Variants in SMARCA2 observed in about 807,000 individuals in gnomAD.
The protein encoded by SMARCA2 is SWI/SNF related BAF chromatin remodeling complex subunit ATPase 2.
SMARCA2 carries 61 observed loss-of-function variants against 199.8 expected under a neutral mutation model. The observed-to-expected ratio is 0.31, with a 90% CI of 0.25 to 0.38. The LOEUF is 0.38. SMARCA2 is among the 10% of genes least tolerant of loss of function. The pLI is 1.00. For synonymous variants in SMARCA2, 935 were observed against 732.0 expected (o/e 1.28, Z -4.48); for missense variants, 1,344 against 2,012.2 (o/e 0.67, Z 6.35).
At chr9:2,031,296 CA>C (rs1819060735) in intron 2 of SMARCA2, among the ~76,000 whole-genome samples, 1 of 152,130 alleles carries the variant, frequency 6.6e-6, no homozygotes, top group Non-Finnish European at 1.5e-5. Flanking sequence ...TCATATTTTT[CA>C]GGGGACCTAT....
intron 5 of SMARCA2, among the ~76,000 whole-genome samples, chr9:2,052,907 C>T (rs1477520244): frequency 6.6e-6 from 1 of 152,154 alleles, no homozygotes; most frequent in Non-Finnish European, 1.5e-5. Context: ...AAAGTCTGTC[C>T]TCCCAGCTCT....
In SMARCA2 at chr9:2,077,659, C is replaced by T. The variant is rs1821386152; in HGVS notation, c.2067C>T (p.Tyr689=). 3 of 1,614,018 alleles carry T rather than the reference C, an allele frequency of 1.9e-6. No individual in the cohort carries two copies. The highest frequency in any genetic ancestry group is 2.2e-5 in the East Asian group (1 of 44,868). Residue 689 remains tyrosine, a synonymous_variant, in exon 14 of 34, where the codon TAC becomes TAT. Coordinates refer to ENST00000349721, the MANE Select transcript of SMARCA2 (RefSeq NM_003070.5). ...ETAKQDVDDE[Y]SMQYSARGSQ... is the part of the protein sequence containing the mutation. ...CTAAGCAAGACGTGGATGATGAATA[C>T]AGCATGCAGTACAGTGCCAGGGGCT...
intron 27 of SMARCA2, among the ~76,000 whole-genome samples, chr9:2,156,659 T>C (rs1212128940): frequency 6.6e-6 from 1 of 152,066 alleles, no homozygotes; most frequent in African/African-American, 2.4e-5. Flanking sequence ...TCAAACTCCC[T>C]ACCTCAGGTG....
intron 4 of SMARCA2, 146 bp downstream of exon 4, chr9:2,040,046 G>C: frequency 1.4e-6 from 2 of 1,415,570 alleles, no homozygotes; most frequent in Non-Finnish European, 1.9e-6. Context: ...GCTCCACTTA[G>C]ATGGCCAAGA....
chr9:2,030,755 G>A (rs1219622654), intron 2 of SMARCA2, among the ~76,000 whole-genome samples: 1 of 152,096 alleles, frequency 6.6e-6, no homozygotes, highest in Non-Finnish European at 1.5e-5. Flanking sequence ...AACCATTACA[G>A]TAGACAAGCC....
intron 1 of SMARCA2, among the ~76,000 whole-genome samples, chr9:2,018,981 C>T (rs1339334714): frequency 2.0e-5 from 3 of 152,210 alleles, no homozygotes; most frequent in Admixed American, 6.5e-5. Flanking sequence ...ATGAGACACA[C>T]TTTTTCTTTG....
intron 6 of SMARCA2, among the ~76,000 whole-genome samples, 198 bp downstream of exon 6, chr9:2,054,921 C>G (rs866030968): frequency 2.0e-5 from 3 of 152,204 alleles, no homozygotes; most frequent in Non-Finnish European, 2.9e-5. Context: ...TTCTGGTTTT[C>G]TCTTCTGTAT....
intron 18 of SMARCA2, 136 bp from the exon 19 acceptor site, chr9:2,088,364 T>C: frequency 1.1e-6 from 1 of 940,222 alleles, no homozygotes; most frequent in Non-Finnish European, 1.5e-6. Flanking sequence ...GAGGTAGATA[T>C]GACAGGCTTA....
Position 2,081,561 on chromosome 9 carries a change from C to T in SMARCA2, c.2185-271C>T, listed in dbSNP as rs112976719. ...CATTTATAATAATTCTAGAATGTCA[C>T]ATACTGTGAAATACTAAGTGTGGAT... On this transcript the variant is annotated intron_variant, in intron 14 of 33. Coordinates refer to ENST00000349721, the MANE Select transcript of SMARCA2 (RefSeq NM_003070.5). 6.5e-3 allele frequency among the ~76,000 whole-genome samples: 994 copies of T among 152,306 alleles called. 17 individuals carry two copies. Among genetic ancestry groups the T allele is most frequent in the African/African-American group, 0.023 (948 of 41,564 alleles).
In SMARCA2 at chr9:2,119,620, C is replaced by A; in HGVS notation, c.3762+85C>A. On this transcript the variant is annotated intron_variant, in intron 26 of 33. Coordinates refer to ENST00000349721, the MANE Select transcript of SMARCA2 (RefSeq NM_003070.5). This position sits in a 1 kb window ranked among gnomAD's most constrained non-coding sequence, Gnocchi z 4.6. ...AGCAGAATGTCTGCAGCCTGCGTGC[C>A]TGGCAGAACTTCATACGTAAAGCCT... 1.1e-6 allele frequency: 1 copy of A among 892,390 alleles called. No individual in the cohort carries two copies. The highest frequency in any genetic ancestry group is 1.8e-6 in the Non-Finnish European group (1 of 545,452). The allele number at this position is 892,390 out of a possible 1,614,324, so 55.3% of individuals were successfully genotyped here. A position where few individuals can be genotyped will look rare whatever the true frequency, so the allele number is the denominator to read the frequency against.
chr9:2,045,862 A>G (rs573608035), intron 4 of SMARCA2: 2 of 140,542 alleles, frequency 1.4e-5, no homozygotes, highest in East Asian at 4.0e-4. Context: ...CACACACGAC[A>G]CAAACACAGG....
intron 5 of SMARCA2, among the ~76,000 whole-genome samples, chr9:2,050,821 A>G (rs1820085553): frequency 6.6e-6 from 1 of 152,218 alleles, no homozygotes; most frequent in South Asian, 2.1e-4. Context: ...TACAGGAATC[A>G]TAAACTTCTC....
chr9:2,041,418 T>G lies in SMARCA2; in HGVS notation c.790+1518T>G, dbSNP rs191552831. The G allele has an allele frequency of 2.6e-3, 1,056 of 398,608 alleles. 4 individuals are homozygous for G. The highest frequency in any genetic ancestry group is 3.8e-3 in the Admixed American group (87 of 22,728). 24.7% of individuals were successfully genotyped at this position (398,608 alleles called of 1,614,324 possible). ...CTTCCTGATTCATAGATGGCTTCCTTCTCACTGTGTCCTCACATGGCAGAA... is the reference window on the plus strand; with the variant it reads ...CTTCCTGATTCATAGATGGCTTCCTGCTCACTGTGTCCTCACATGGCAGAA... On this transcript the variant is annotated intron_variant, in intron 4 of 33. Transcript: ENST00000349721.
chr9:2,160,756 G>A (rs986936183), intron 27 of SMARCA2: 17 of 413,076 alleles, frequency 4.1e-5, no homozygotes, highest in African/African-American at 1.2e-4. Context: ...ATCTCAAAAC[G>A]TAATTTAAAG....
At chr9:2,060,737 C>G (rs1563740195) in intron 8 of SMARCA2, 79 bp from the exon 9 acceptor site, 6 of 1,373,608 alleles carry the variant, frequency 4.4e-6, no homozygotes, top group Admixed American at 1.8e-5. Context: ...TGCAGACTGT[C>G]AAGGGGAGGA....
At chr9:2,088,894 T>TTTTTTTTTTTTTTTTTTTTTA (rs1554624155) in intron 19 of SMARCA2, among the ~76,000 whole-genome samples, 1 of 151,366 alleles carries the variant, frequency 6.6e-6, no homozygotes, top group African/African-American at 2.4e-5. Flanking sequence ...TTTTTTTTTT[T>TTTTTTTTTTTTTTTTTTTTTA]AAATTACGGA....
At chr9:2,173,884 A>G (rs148402110) in intron 29 of SMARCA2, among the ~76,000 whole-genome samples, 2 of 152,308 alleles carry the variant, frequency 1.3e-5, no homozygotes, top group Non-Finnish European at 2.9e-5. Flanking sequence ...GAAATGCTGA[A>G]TTGGAGCCCA....
At chr9:2,159,873 T>A (rs1190566793) in intron 27 of SMARCA2, 1 of 1,612,006 alleles carries the variant, frequency 6.2e-7, no homozygotes, top group African/African-American at 1.3e-5. Context: ...CCCCACTAAC[T>A]GTGATTTCTG....
chr9:2,158,722 A>AT lies in SMARCA2; in HGVS notation c.3982-2958dup, dbSNP rs1221644802. 4.0e-5 allele frequency: 17 copies of AT among 422,704 alleles called. No homozygotes were observed. The East Asian group carries it at 4.6e-4, about 11-fold the overall frequency. The allele number at this position is 422,704 out of a possible 1,614,324, so 26.2% of individuals were successfully genotyped here. A position where few individuals can be genotyped will look rare whatever the true frequency, so the allele number is the denominator to read the frequency against. On this transcript the variant is annotated intron_variant, in intron 27 of 33. Coordinates refer to ENST00000349721, the MANE Select transcript of SMARCA2 (RefSeq NM_003070.5). ...GTCAGTTGAGCCAGTTTAGTAAATA[A>AT]TTTTTTAAAATAAAAGAACAGTTTA... is the stretch of plus-strand genomic sequence containing the variant.
Sources: gnomAD v4.1 joint callset for allele counts (sites outside exome capture counted in the v4.1 genomes callset) on GRCh38, gnomAD v4.1.1 for gene constraint, Gnocchi (gnomAD v3.1) non-coding constraint, MANE v1.5 for transcripts, NCBI Gene and HGNC (gene_info 2026-07-23, HGNC 2026-07-21) for gene names.